Variants in CTNND2 observed in about 807,000 individuals in gnomAD.
CTNND2 encodes the protein catenin delta 2.
A neutral mutation model predicts 144.4 loss-of-function variants in CTNND2; 22 were observed. The observed-to-expected ratio is 0.15, with a 90% CI of 0.11 to 0.22. CTNND2 has a LOEUF of 0.22. CTNND2 is among the 10% of genes least tolerant of loss of function. CTNND2 has a pLI of 1.00. For missense variants in CTNND2, 1,353 were observed against 1,618.8 expected (o/e 0.84, Z 2.82); for synonymous variants, 751 against 695.6 (o/e 1.08, Z -1.25).
intron 9 of CTNND2, among the ~76,000 whole-genome samples, chr5:11,342,578 T>C (rs1561248164): frequency 6.6e-6 from 1 of 152,186 alleles, no homozygotes; most frequent in Non-Finnish European, 1.5e-5. Context: ...GATTACAACA[T>C]CTCAAAAAGG....
chr5:11,629,446 A>T (rs1392506095), intron 2 of CTNND2, among the ~76,000 whole-genome samples: 3 of 152,186 alleles, frequency 2.0e-5, no homozygotes, highest in African/African-American at 7.2e-5. Context: ...GGTCACTAAA[A>T]GTGATAATAG....
chr5:11,898,667 A>G (rs1204725649), intron 1 of CTNND2, among the ~76,000 whole-genome samples: 5 of 152,232 alleles, frequency 3.3e-5, no homozygotes, highest in Non-Finnish European at 5.9e-5. Flanking sequence ...TTAACCAAAT[A>G]TAATTGGCTC....
intron 3 of CTNND2, among the ~76,000 whole-genome samples, chr5:11,427,373 G>A (rs1172783651): frequency 6.6e-6 from 1 of 150,854 alleles, no homozygotes; most frequent in Non-Finnish European, 1.5e-5. Flanking sequence ...TGCCTCCCAG[G>A]TTCAAGTGAT....
intron 3 of CTNND2, among the ~76,000 whole-genome samples, chr5:11,475,417 T>C (rs1351532143): frequency 6.6e-6 from 1 of 152,236 alleles, no homozygotes; most frequent in Non-Finnish European, 1.5e-5. Flanking sequence ...GTATGCCATT[T>C]TGAATCAGTT....
chr5:11,601,395 G>GA lies in CTNND2; in HGVS notation c.175-36340dup, dbSNP rs1224462703. Among the ~76,000 whole-genome samples the GA allele has an allele frequency of 2.0e-5, 3 of 151,342 alleles. No homozygotes were observed. The South Asian group carries it at 6.2e-4, about 31-fold the overall frequency. On this transcript the variant is annotated intron_variant, in intron 2 of 21. Coordinates refer to ENST00000304623, the MANE Select transcript of CTNND2 (RefSeq NM_001332.4). ...CTCTGTAAGAATTTTATTTTTTTGTGAAAAAAATGAAAGGAAGGCACATCA... is the reference window on the plus strand; with the variant it reads ...CTCTGTAAGAATTTTATTTTTTTGTGAAAAAAAATGAAAGGAAGGCACATCA...
At chr5:11,183,136 CA>C (rs1344347281) in intron 11 of CTNND2, among the ~76,000 whole-genome samples, 5 of 152,142 alleles carry the variant, frequency 3.3e-5, no homozygotes, top group African/African-American at 9.6e-5. Context: ...TTATACATGA[CA>C]AAAAAATTTC....
intron 2 of CTNND2, among the ~76,000 whole-genome samples, chr5:11,707,952 G>A (rs1442372055): frequency 6.6e-6 from 1 of 152,034 alleles, no homozygotes; most frequent in African/African-American, 2.4e-5. Flanking sequence ...CTAAATTTCT[G>A]CATTTTGCTA....
At chr5:11,763,960 T>C (rs1789430696) in intron 1 of CTNND2, among the ~76,000 whole-genome samples, 3 of 152,006 alleles carry the variant, frequency 2.0e-5, no homozygotes, top group African/African-American at 4.8e-5. Context: ...AACTTGTGAA[T>C]ATATTATGTT....
chr5:11,818,696 C>G (rs1393964704), intron 1 of CTNND2, among the ~76,000 whole-genome samples: 2 of 152,044 alleles, frequency 1.3e-5, no homozygotes, highest in Non-Finnish European at 2.9e-5. Context: ...CCGATATGCC[C>G]TATTGTATCC....
chr5:11,710,769 G>C (rs1304387774), intron 2 of CTNND2, among the ~76,000 whole-genome samples: 1 of 152,148 alleles, frequency 6.6e-6, no homozygotes, highest in Non-Finnish European at 1.5e-5. Context: ...GGTCCGGGCA[G>C]TGCACCACTA....
intron 9 of CTNND2, among the ~76,000 whole-genome samples, chr5:11,286,291 C>G (rs1456173807): frequency 6.6e-6 from 1 of 151,822 alleles, no homozygotes; most frequent in African/African-American, 2.4e-5. Flanking sequence ...AATCTAGATA[C>G]CATCAATAAT....
chr5:11,541,923 T>C (rs1174844621), intron 3 of CTNND2, among the ~76,000 whole-genome samples: 1 of 144,774 alleles, frequency 6.9e-6, no homozygotes, highest in African/African-American at 2.6e-5. Flanking sequence ...CCACAGATAA[T>C]CTGTTTTCAT....
chr5:11,068,433 T>C (rs1580191397), intron 16 of CTNND2, among the ~76,000 whole-genome samples: 2 of 152,290 alleles, frequency 1.3e-5, no homozygotes, highest in East Asian at 3.9e-4. Context: ...TTTGTGGTGG[T>C]GATGTGTTCA....
At chr5:11,679,318 C>T (rs141363231) in intron 2 of CTNND2, among the ~76,000 whole-genome samples, 1 of 152,286 alleles carries the variant, frequency 6.6e-6, no homozygotes, top group African/African-American at 2.4e-5. Flanking sequence ...TTACTGAGTA[C>T]CTATATGGGC....
chr5:11,226,675 C>G (rs1740395544), intron 10 of CTNND2, among the ~76,000 whole-genome samples: 1 of 152,210 alleles, frequency 6.6e-6, no homozygotes, highest in African/African-American at 2.4e-5. Context: ...ACAAGAAAGA[C>G]CTATCCTCAT....
chr5:11,307,477 CA>C (rs1167018228), intron 9 of CTNND2, among the ~76,000 whole-genome samples: 2 of 152,220 alleles, frequency 1.3e-5, no homozygotes, highest in East Asian at 3.9e-4. Context: ...AAAAATATGA[CA>C]GGGGCCAAGG....
chr5:11,159,789 G>A, intron 11 of CTNND2, 30 bp from the exon 12 acceptor site: 1 of 1,515,566 alleles, frequency 6.6e-7, no homozygotes, highest in East Asian at 2.4e-5. Flanking sequence ...AGAGGTTTTG[G>A]GTGGCCACAA....
intron 3 of CTNND2, among the ~76,000 whole-genome samples, chr5:11,466,964 G>C (rs549334542): frequency 6.6e-6 from 1 of 152,370 alleles, no homozygotes; most frequent in East Asian, 1.9e-4. Flanking sequence ...AGGATAACAA[G>C]TATTGTGCAG....
chr5:11,162,132 G>A (rs1758830735), intron 11 of CTNND2, among the ~76,000 whole-genome samples: 4 of 152,078 alleles, frequency 2.6e-5, no homozygotes, highest in Admixed American at 2.6e-4. Flanking sequence ...CAGCCTGGGT[G>A]ACAGAGCAAG....
Sources: gnomAD v4.1 joint callset for allele counts (sites outside exome capture counted in the v4.1 genomes callset) on GRCh38, gnomAD v4.1.1 for gene constraint, MANE v1.5 for transcripts, NCBI Gene and HGNC (gene_info 2026-07-23, HGNC 2026-07-21) for gene names.